The following NR2C2 variants were observed in gnomAD, a reference collection of about 807,000 sequenced individuals.
NR2C2 encodes the protein Nuclear hormone receptor TR4.
In NR2C2, 6 loss-of-function variants were observed where a neutral mutation model predicts 62.9. The ratio of observed to expected loss-of-function variants is 0.10; its 90% CI spans 0.05 to 0.19. The LOEUF (loss-of-function observed/expected upper bound fraction) is 0.19, where lower values mean the gene tolerates loss of function less well. Ranked by LOEUF, NR2C2 falls within the 10% of genes least tolerant of loss-of-function variation. The pLI is 1.00. For missense variants in NR2C2, 479 were observed against 762.7 expected, an observed-to-expected ratio of 0.63 and a Z score of 4.38; for synonymous variants, 272 against 273.8, an observed-to-expected ratio of 0.99 and a Z score of 0.07.
chr3:14,995,397 T>C (rs2040805303), intron 1 of NR2C2, among the ~76,000 whole-genome samples: 1 of 151,712 alleles, frequency 6.6e-6, no homozygotes, highest in African/African-American at 2.4e-5. Context: ...ACTTTCTATC[T>C]TTATATTTGT....
Position 14,947,808 on chromosome 3 carries a change from C to G in NR2C2, c.-138C>G, listed in dbSNP as rs1291817982. On this transcript the variant is annotated 5_prime_UTR_variant, in exon 1 of 14. Transcript: ENST00000425241. ...CCCGGGCTCCCGCCATCCGCCGACA[C>G]CGGGAGCCCGGGCTCCCCGCGCCCT... The G allele has an allele frequency of 6.7e-6, 1 of 149,386 alleles. No homozygotes were observed. The highest frequency in any genetic ancestry group is 1.5e-5 in the Non-Finnish European group (1 of 66,922). 9.3% of individuals were successfully genotyped at this position (149,386 alleles called of 1,614,324 possible).
chr3:14,992,529 T>TTAG (rs910342137), intron 1 of NR2C2, among the ~76,000 whole-genome samples: 1 of 152,180 alleles, frequency 6.6e-6, no homozygotes, highest in Non-Finnish European at 1.5e-5. Flanking sequence ...GGGCCTAATA[T>TTAG]GTGCCTGGCC....
chr3:14,975,401 T>A (rs1559539448), intron 1 of NR2C2, among the ~76,000 whole-genome samples: 1 of 152,238 alleles, frequency 6.6e-6, no homozygotes, highest in Non-Finnish European at 1.5e-5. Context: ...CTATTCCTAT[T>A]TTGTTACGTG....
At chr3:14,973,974 C>A (rs1055621459) in intron 1 of NR2C2, among the ~76,000 whole-genome samples, 2 of 152,164 alleles carry the variant, frequency 1.3e-5, no homozygotes, top group Admixed American at 6.5e-5. Context: ...ATCATCAAGT[C>A]AGAGACCGTC....
chr3:15,004,463 A>G, intron 2 of NR2C2: 1 of 1,258,844 alleles, frequency 7.9e-7, no homozygotes, highest in Non-Finnish European at 1.1e-6. Context: ...CCTGGCACAT[A>G]ATAATGTTCA....
intron 10 of NR2C2, 189 bp from the exon 11 acceptor site, chr3:15,034,481 T>C: frequency 2.0e-6 from 1 of 511,584 alleles, no homozygotes; most frequent in Non-Finnish European, 3.4e-6. Flanking sequence ...AGAAGGATTT[T>C]AGTTAAAACA....
At position 15,044,085 on chromosome 3, in the gene NR2C2, A is replaced by T. The variant is rs28524664; in HGVS notation, c.*1077A>T. Reference sequence around the variant, plus strand: ...TTTCCACTCCAAATGCCCCCTTGAAAAGGGCTCGTGTTTCTGCAGCTCCAT... The same window carrying T: ...TTTCCACTCCAAATGCCCCCTTGAATAGGGCTCGTGTTTCTGCAGCTCCAT... On this transcript the variant is annotated 3_prime_UTR_variant, in exon 14 of 14. Coordinates refer to ENST00000425241, the MANE Select transcript of NR2C2 (RefSeq NM_001291694.2). The T allele has an allele frequency of 0.06, 9,139 of 152,204 alleles. 340 individuals carry two copies. The highest frequency in any genetic ancestry group is 0.13 in the East Asian group (652 of 5,164). 9.4% of individuals were successfully genotyped at this position (152,204 alleles called of 1,614,324 possible). A position where few individuals can be genotyped will look rare whatever the true frequency, so the allele number is the denominator to read the frequency against.
chr3:14,963,814 CTAAG>C (rs1175440542), intron 1 of NR2C2, among the ~76,000 whole-genome samples: 1 of 152,054 alleles, frequency 6.6e-6, no homozygotes, highest in African/African-American at 2.4e-5. Context: ...TAAACAAAAA[CTAAG>C]TATACATATG....
intron 1 of NR2C2, among the ~76,000 whole-genome samples, chr3:14,981,377 G>C (rs2040362831): frequency 6.6e-6 from 1 of 152,116 alleles, no homozygotes; most frequent in Non-Finnish European, 1.5e-5. Context: ...GCCAAGGCGA[G>C]TGGATCACAA....
At chr3:14,963,547 C>T (rs2039749165) in intron 1 of NR2C2, among the ~76,000 whole-genome samples, 1 of 152,150 alleles carries the variant, frequency 6.6e-6, no homozygotes, top group African/African-American at 2.4e-5. Flanking sequence ...CGGCCCACTG[C>T]AAGCTCCGCT....
At chr3:15,020,693 T>C (rs2041647351) in intron 4 of NR2C2, 60 bp from the exon 5 acceptor site, 1 of 1,576,578 alleles carries the variant, frequency 6.3e-7, no homozygotes, top group Non-Finnish European at 8.7e-7. Context: ...ACAGATCACC[T>C]CTTTGGTGAA....
chr3:15,025,375 C>T (rs2041795581), intron 7 of NR2C2, among the ~76,000 whole-genome samples: 1 of 152,174 alleles, frequency 6.6e-6, no homozygotes, highest in Non-Finnish European at 1.5e-5. Context: ...TTTCTTGGTA[C>T]ACAGTGAGCA....
rs1405913284 is a variant in NR2C2 at position 15,032,458 on chromosome 3, CAA to C, written c.1191_1192del (p.Met398AlafsTer27). ...TCTGCATCCCGTCTGCTTTTCCTCT[CAA>C]TGCACTGGGCTCGGTCAATCCCAGC... On this transcript the variant is annotated frameshift_variant, in exon 10 of 14. Transcript: ENST00000425241. LOFTEE classifies it high-confidence loss of function. 1 of 1,614,106 alleles carries C rather than the reference CAA, an allele frequency of 6.2e-7. No homozygotes were observed. The highest frequency in any genetic ancestry group is 8.5e-7 in the Non-Finnish European group (1 of 1,180,048).
intron 1 of NR2C2, among the ~76,000 whole-genome samples, chr3:14,973,517 A>G (rs2040111021): frequency 6.6e-6 from 1 of 152,186 alleles, no homozygotes; most frequent in African/African-American, 2.4e-5. Context: ...TACAAGCATG[A>G]GCCACCGTGC....
chr3:14,962,700 T>C (rs1401577232), intron 1 of NR2C2, among the ~76,000 whole-genome samples: 1 of 151,252 alleles, frequency 6.6e-6, no homozygotes, highest in Non-Finnish European at 1.5e-5. Flanking sequence ...GCCTATCTGC[T>C]TTTAATAAGG....
intron 11 of NR2C2, among the ~76,000 whole-genome samples, chr3:15,036,747 C>G (rs111375404): frequency 6.0e-4 from 92 of 152,308 alleles, no homozygotes; most frequent in African/African-American, 2.1e-3. Context: ...TGTTTGATAT[C>G]TAGGAATGTG....
intron 6 of NR2C2, among the ~76,000 whole-genome samples, chr3:15,023,833 C>T (rs2041744037): frequency 1.3e-5 from 2 of 152,168 alleles, no homozygotes; most frequent in African/African-American, 2.4e-5. Flanking sequence ...ATCAAGTTAA[C>T]TTTTCTAGGC....
At chr3:14,962,373 C>T (rs2039710758) in intron 1 of NR2C2, 1 of 152,592 alleles carries the variant, frequency 6.6e-6, no homozygotes, top group South Asian at 2.1e-4. Context: ...CTGGTTTCTC[C>T]CCACCTGATA....
chr3:15,032,404 A>C lies in NR2C2; in HGVS notation c.1136A>C (p.Glu379Ala). 1.2e-6 allele frequency: 2 copies of C among 1,614,206 alleles called. No homozygotes were observed. The highest frequency in any genetic ancestry group is 1.7e-5 in the Admixed American group (1 of 60,026). Reference protein sequence around the residue: ...FKLTMPSPMPEYLNVHYICES... With the variant: ...FKLTMPSPMPAYLNVHYICES... ...CTAACAATGCCCAGTCCAATGCCAG[A>C]GTACCTCAACGTGCACTACATCTGT... is the stretch of plus-strand genomic sequence containing the variant. Residue 379 changes from glutamate to alanine, a missense_variant, in exon 10 of 14, where the codon GAG (glutamate) becomes GCG (alanine). Physicochemically the swap from Glu to Ala is moderately radical, Grantham distance 107. Around this residue, in one of 4 missense-constraint regions of NR2C2, gnomAD observed 162 missense variants for 296.8 expected, o/e 0.55. Coordinates refer to ENST00000425241, the MANE Select transcript of NR2C2 (RefSeq NM_001291694.2).
Sources: allele counts gnomAD v4.1 joint callset (sites outside exome capture counted in the v4.1 genomes callset), GRCh38; gene constraint gnomAD v4.1.1; regional missense constraint gnomAD v4.1.1; transcripts MANE v1.5; gene names NCBI Gene and HGNC (gene_info 2026-07-23, HGNC 2026-07-21).